Variants in SLC1A2 observed in about 807,000 individuals in gnomAD.
The protein encoded by SLC1A2 is solute carrier family 1 member 2.
SLC1A2 carries 15 observed loss-of-function variants against 48.8 expected under a neutral mutation model. The ratio of observed to expected loss-of-function variants is 0.31; its 90% confidence interval spans 0.21 to 0.47. The LOEUF is 0.47. Ranked by LOEUF, SLC1A2 falls within the 20% of genes least tolerant of loss-of-function variation. The probability of loss-of-function intolerance (pLI) is 0.99; values close to 1 mark genes in which losing one functional copy is unlikely to be tolerated. For missense variants in SLC1A2, 502 were observed against 730.5 expected (o/e 0.69, Z 3.61); for synonymous variants, 279 against 272.6 (o/e 1.02, Z -0.23).
rs1950277168 is a variant in SLC1A2 at position 35,253,950 on chromosome 11, C to A, written c.*6944G>T. The A allele has an allele frequency of 6.6e-6, 1 of 152,394 alleles. No homozygotes were observed. Among genetic ancestry groups the A allele is most frequent in the South Asian group, 2.1e-4 (1 of 4,832 alleles). 9.4% of individuals were successfully genotyped at this position (152,394 alleles called of 1,614,324 possible). On this transcript the variant is annotated 3_prime_UTR_variant, in exon 11 of 11. Coordinates refer to ENST00000278379, the MANE Select transcript of SLC1A2 (RefSeq NM_004171.4). ...AATATTAAACATATAACATCCAGGT[C>A]TATAAATACATTTTCTAATGCTCTT... is the stretch of plus-strand genomic sequence containing the variant.
intron 10 of SLC1A2, 199 bp downstream of exon 10, chr11:35,265,328 C>G: frequency 3.5e-6 from 2 of 568,196 alleles, no homozygotes; most frequent in Non-Finnish European, 6.2e-6. Flanking sequence ...GACTCTTTCT[C>G]CATCAGACTT....
intron 1 of SLC1A2, among the ~76,000 whole-genome samples, chr11:35,402,794 C>T (rs1405626638): frequency 6.6e-6 from 1 of 152,168 alleles, no homozygotes; most frequent in Non-Finnish European, 1.5e-5. Flanking sequence ...GGGAAAGACA[C>T]CACGCATTTG....
chr11:35,283,353 C>G (rs918819581), intron 8 of SLC1A2, among the ~76,000 whole-genome samples: 2 of 152,168 alleles, frequency 1.3e-5, no homozygotes, highest in African/African-American at 4.8e-5. Flanking sequence ...CTATTTTCCT[C>G]CAAACAAACT....
intron 7 of SLC1A2, among the ~76,000 whole-genome samples, chr11:35,288,617 T>C (rs1409011779): frequency 1.3e-5 from 2 of 152,230 alleles, no homozygotes; most frequent in Non-Finnish European, 2.9e-5. Flanking sequence ...GGCATACATT[T>C]ATGTTTATTA....
intron 10 of SLC1A2, chr11:35,261,933 C>A (rs1412854551): frequency 2.6e-6 from 1 of 388,916 alleles, no homozygotes; most frequent in South Asian, 1.4e-4. Flanking sequence ...ATCCAATCCC[C>A]ATTAGCCCCC....
At chr11:35,270,647 C>A (rs986481583) in intron 9 of SLC1A2, among the ~76,000 whole-genome samples, 1 of 152,094 alleles carries the variant, frequency 6.6e-6, no homozygotes, top group African/African-American at 2.4e-5. Flanking sequence ...GAAATGAGTA[C>A]AGAGTGCTAC....
chr11:35,380,618 G>A (rs1854390768), intron 1 of SLC1A2: 2 of 390,676 alleles, frequency 5.1e-6, no homozygotes, highest in East Asian at 7.3e-5. Flanking sequence ...TGTTCCATCA[G>A]GAACCCCTCA....
At chr11:35,335,624 A>G (rs969157357) in intron 1 of SLC1A2, among the ~76,000 whole-genome samples, 1 of 152,332 alleles carries the variant, frequency 6.6e-6, no homozygotes, top group Admixed American at 6.5e-5. Flanking sequence ...AAGACAGTCT[A>G]TCATGAGTTA....
intron 6 of SLC1A2, among the ~76,000 whole-genome samples, chr11:35,296,255 C>A (rs1245636396): frequency 6.6e-6 from 1 of 152,170 alleles, no homozygotes; most frequent in African/African-American, 2.4e-5. Flanking sequence ...ACTTTCTCAG[C>A]CCTGCTGTGG....
chr11:35,388,924 T>C (rs921272032), intron 1 of SLC1A2, among the ~76,000 whole-genome samples: 5 of 152,072 alleles, frequency 3.3e-5, no homozygotes, highest in Non-Finnish European at 5.9e-5. Flanking sequence ...AGAGATGAAA[T>C]AATAAACACC....
intron 1 of SLC1A2, among the ~76,000 whole-genome samples, chr11:35,407,546 T>G (rs1855336764): frequency 6.6e-6 from 1 of 152,304 alleles, no homozygotes; most frequent in East Asian, 1.9e-4. Context: ...CTACCATTTA[T>G]GGAAAAAAAT....
chr11:35,332,224 C>A (rs989765870), intron 1 of SLC1A2, among the ~76,000 whole-genome samples: 1 of 152,154 alleles, frequency 6.6e-6, no homozygotes, highest in African/African-American at 2.4e-5. Context: ...TGAAGTCATT[C>A]CAGCAGCACC....
chr11:35,351,181 T>A (rs1853238267), intron 1 of SLC1A2, among the ~76,000 whole-genome samples: 1 of 152,220 alleles, frequency 6.6e-6, no homozygotes, highest in Non-Finnish European at 1.5e-5. Context: ...AATTGAGGTT[T>A]AGAGGATTAG....
At chr11:35,332,593 T>C (rs148629622) in intron 1 of SLC1A2, among the ~76,000 whole-genome samples, 1 of 152,312 alleles carries the variant, frequency 6.6e-6, no homozygotes, top group African/African-American at 2.4e-5. Context: ...CAAATAAGAC[T>C]TACAGATAAG....
intron 1 of SLC1A2, among the ~76,000 whole-genome samples, chr11:35,362,997 T>G (rs1342678232): frequency 6.6e-6 from 1 of 152,228 alleles, no homozygotes; most frequent in East Asian, 1.9e-4. Context: ...ACTACTATTA[T>G]TCCTATTGGG....
At chr11:35,379,775 C>T (rs550229120) in intron 1 of SLC1A2, among the ~76,000 whole-genome samples, 2 of 152,190 alleles carry the variant, frequency 1.3e-5, no homozygotes, top group Non-Finnish European at 2.9e-5. Context: ...TGCCATAAAC[C>T]GGCCAATTGA....
chr11:35,364,554 A>C (rs1853781063), intron 1 of SLC1A2, among the ~76,000 whole-genome samples: 1 of 152,222 alleles, frequency 6.6e-6, no homozygotes, highest in East Asian at 1.9e-4. Context: ...AGCACTAAAC[A>C]ATCCAGCAAA....
chr11:35,379,507 G>GA (rs1271180009), intron 1 of SLC1A2, among the ~76,000 whole-genome samples: 1 of 152,220 alleles, frequency 6.6e-6, no homozygotes, highest in African/African-American at 2.4e-5. Context: ...TTCCTCGGGA[G>GA]AGATCACCTA....
chr11:35,340,503 G>T (rs11033079), intron 1 of SLC1A2, among the ~76,000 whole-genome samples: 57,912 of 152,124 alleles, frequency 0.38, 11,160 homozygotes, highest in South Asian at 0.54. Flanking sequence ...CACATATTCT[G>T]TAGGAAGAAC....
Sources: gnomAD v4.1 joint callset for allele counts (sites outside exome capture counted in the v4.1 genomes callset) on GRCh38, gnomAD v4.1.1 for gene constraint, MANE v1.5 for transcripts, NCBI Gene and HGNC (gene_info 2026-07-23, HGNC 2026-07-21) for gene names.